Variants in AGAP1 observed in about 807,000 individuals in gnomAD.
The protein encoded by AGAP1 is arf-GAP with GTPase, ANK repeat and PH domain-containing protein 1.
In AGAP1, 29 loss-of-function variants were observed where a neutral mutation model predicts 105.3. The observed-to-expected ratio is 0.28, with a 90% CI of 0.21 to 0.38. The LOEUF (loss-of-function observed/expected upper bound fraction) is 0.38. AGAP1 is among the 10% of genes least tolerant of loss of function. The pLI, the probability that AGAP1 is intolerant of heterozygous loss-of-function variation, is 1.00. For missense variants in AGAP1, 998 were observed against 1,165.1 expected (o/e 0.86, Z 2.09); for synonymous variants, 509 against 485.9 (o/e 1.05, Z -0.63).
At chr2:235,946,474 C>T (rs1337605611) in intron 12 of AGAP1, among the ~76,000 whole-genome samples, 1 of 151,976 alleles carries the variant, frequency 6.6e-6, no homozygotes, top group African/African-American at 2.4e-5. Flanking sequence ...CCCGGCCAGG[C>T]CTTTTCCACT....
chr2:235,505,288 C>G (rs572980516), intron 1 of AGAP1, among the ~76,000 whole-genome samples: 1 of 152,184 alleles, frequency 6.6e-6, no homozygotes, highest in African/African-American at 2.4e-5. Context: ...TTTGTTCCAG[C>G]GCTGTGTCCT....
chr2:235,627,043 T>C (rs536380401), intron 1 of AGAP1, among the ~76,000 whole-genome samples: 3 of 152,306 alleles, frequency 2.0e-5, no homozygotes, highest in South Asian at 4.1e-4. Context: ...CCAACTGTCT[T>C]AAGTTGAAAA....
chr2:236,112,391 G>C (rs2059670075), intron 16 of AGAP1, among the ~76,000 whole-genome samples: 3 of 151,836 alleles, frequency 2.0e-5, no homozygotes, highest in Admixed American at 1.3e-4. Context: ...ACTCCACCCT[G>C]GGTGGCACAG....
At chr2:235,562,218 C>A (rs12692173) in intron 1 of AGAP1, among the ~76,000 whole-genome samples, 23,703 of 151,980 alleles carry the variant, frequency 0.16, 2,137 homozygotes, top group East Asian at 0.29. Context: ...GAAACTGTAC[C>A]TTTATTTTCT....
At position 235,958,475 on chromosome 2, in the gene AGAP1, C is replaced by G. The variant is rs2054043825; in HGVS notation, c.1484-9987C>G. ...GCGAGGGATATGAGAATCACAAGCA[C>G]AGAGACTCATCTCTTGAATATCACC... On this transcript the variant is annotated intron_variant, in intron 12 of 17. Coordinates refer to ENST00000304032, the MANE Select transcript of AGAP1 (RefSeq NM_001037131.3). This position sits in a 1 kb window ranked among gnomAD's most constrained non-coding sequence, Gnocchi z 4.1. Among the ~76,000 whole-genome samples the G allele has an allele frequency of 6.6e-6, 1 of 152,082 alleles. No individual in the cohort carries two copies. The highest frequency in any genetic ancestry group is 1.5e-5 in the Non-Finnish European group (1 of 68,012).
Position 235,890,952 on chromosome 2 carries a change from A to AAAAAAAAAAAAC in AGAP1, c.1155+7504_1155+7505insAAAAAAAAAACA, listed in dbSNP as rs769338135. Among the ~76,000 whole-genome samples the AAAAAAAAAAAAC allele has an allele frequency of 2.7e-5, 4 of 150,662 alleles. 1 individual carries two copies. The highest frequency in any genetic ancestry group is 4.3e-4 in the South Asian group (2 of 4,702). On this transcript the variant is annotated intron_variant, in intron 10 of 17. Coordinates refer to ENST00000304032, the MANE Select transcript of AGAP1 (RefSeq NM_001037131.3). Reference sequence around the variant, plus strand: ...ACTAAAACTGAGGCTCAAAAAAAAAAACACCTCAGTTAATTCATCTTTCTT... The same window carrying AAAAAAAAAAAAC: ...ACTAAAACTGAGGCTCAAAAAAAAAAAAAAAAAAAAACACACCTCAGTTAATTCATCTTTCTT...
rs374461102 is a variant in AGAP1, at chr2:235,962,412, C to T, written c.1484-6050C>T. Among the ~76,000 whole-genome samples, 27 of 152,032 alleles carry T rather than the reference C, an allele frequency of 1.8e-4. 1 individual carries two copies. Among genetic ancestry groups the T allele is most frequent in the Admixed American group, 1.0e-3 (16 of 15,262 alleles). ...ACAAGGGTGAGTTTCAAGTCGTGTG[C>T]GATGCTGCCCGGCTGTATAAGAAAA... On this transcript the variant is annotated intron_variant, in intron 12 of 17. Transcript: ENST00000304032. The surrounding 1 kb of genome is among the most constrained non-coding windows in gnomAD (Gnocchi z 5.3).
In AGAP1 at chr2:235,993,184, C is replaced by G. The variant is rs764586248; in HGVS notation, c.1645+24561C>G. Among the ~76,000 whole-genome samples, 1 of 152,168 alleles carries G rather than the reference C, an allele frequency of 6.6e-6. No individual in the cohort carries two copies. Among genetic ancestry groups the G allele is most frequent in the Non-Finnish European group, 1.5e-5 (1 of 68,038 alleles). On this transcript the variant is annotated intron_variant, in intron 13 of 17. Transcript: ENST00000304032. This position sits in a 1 kb window ranked among gnomAD's most constrained non-coding sequence, Gnocchi z 5.0. ...GCAGTTGTACAGTTCAAACACCAAA[C>G]TGTTTGTGGGGAGGAGGGTGATTTG...
In AGAP1 at chr2:235,577,102, C is replaced by T. The variant is rs1266594717; in HGVS notation, c.163+82253C>T. On this transcript the variant is annotated intron_variant, in intron 1 of 17. Coordinates refer to ENST00000304032, the MANE Select transcript of AGAP1 (RefSeq NM_001037131.3). This position sits in a 1 kb window ranked among gnomAD's most constrained non-coding sequence, Gnocchi z 4.5. ...TCCTGAACCCCCTTGTACCTCTGTC[C>T]AGTGGAAGTAGAATGCCAGCCACAT... 1.3e-5 allele frequency among the ~76,000 whole-genome samples: 2 copies of T among 152,158 alleles called. No individual in the cohort carries two copies. Among genetic ancestry groups the T allele is most frequent in the Non-Finnish European group, 2.9e-5 (2 of 68,032 alleles).
chr2:235,839,719 G>GAAGA (rs1297278228), intron 9 of AGAP1, among the ~76,000 whole-genome samples: 33 of 152,300 alleles, frequency 2.2e-4, no homozygotes, highest in African/African-American at 7.5e-4. Flanking sequence ...AACCACTTTA[G>GAAGA]AAGAACATTA....
At position 235,612,342 on chromosome 2, in the gene AGAP1, C is replaced by T. The variant is rs780005262; in HGVS notation, c.164-96837C>T. ...CCTGGTTAAAGTGGGGCTCAGATGC[C>T]CCTTGGTTGCATTTAATGTGTGTGC... On this transcript the variant is annotated intron_variant, in intron 1 of 17. Transcript: ENST00000304032. This position sits in a 1 kb window ranked among gnomAD's most constrained non-coding sequence, Gnocchi z 4.3. Among the ~76,000 whole-genome samples, 20 of 152,078 alleles carry T rather than the reference C, an allele frequency of 1.3e-4. No individual in the cohort carries two copies. Among genetic ancestry groups the T allele is most frequent in the Non-Finnish European group, 1.2e-4 (8 of 68,022 alleles).
Position 235,577,904 on chromosome 2 carries a change from G to C in AGAP1, c.163+83055G>C, listed in dbSNP as rs972845688. On this transcript the variant is annotated intron_variant, in intron 1 of 17. Coordinates refer to ENST00000304032, the MANE Select transcript of AGAP1 (RefSeq NM_001037131.3). The surrounding 1 kb of genome is among the most constrained non-coding windows in gnomAD (Gnocchi z 4.5). ...TGAAAAAAACCAAACACTGAGCCTGGTCTGAGCGGGGCTGTTTGTTGAGGC... is the reference window on the plus strand; with the variant it reads ...TGAAAAAAACCAAACACTGAGCCTGCTCTGAGCGGGGCTGTTTGTTGAGGC... Among the ~76,000 whole-genome samples, 1 of 152,132 alleles carries C rather than the reference G, an allele frequency of 6.6e-6. No individual in the cohort carries two copies. Among genetic ancestry groups the C allele is most frequent in the African/African-American group, 2.4e-5 (1 of 41,440 alleles).
At position 235,751,758 on chromosome 2, in the gene AGAP1, A is replaced by G. The variant is rs1953461120; in HGVS notation, c.673+1270A>G. 6.6e-6 allele frequency among the ~76,000 whole-genome samples: 1 copy of G among 152,078 alleles called. No homozygotes were observed. The highest frequency in any genetic ancestry group is 6.6e-5 in the Admixed American group (1 of 15,262). On this transcript the variant is annotated intron_variant, in intron 6 of 17. Transcript: ENST00000304032. This position sits in a 1 kb window ranked among gnomAD's most constrained non-coding sequence, Gnocchi z 5.3. ...CCTCTCAGATACTTACCTGTTTTTC[A>G]GCACGTTGGTCCTAGTTACTGCTTC...
At chr2:235,499,479 G>C (rs1043802807) in intron 1 of AGAP1, among the ~76,000 whole-genome samples, 2 of 152,220 alleles carry the variant, frequency 1.3e-5, no homozygotes, top group Non-Finnish European at 2.9e-5. Context: ...CAAGTTGAAT[G>C]AAAGGTGGCA....
intron 1 of AGAP1, among the ~76,000 whole-genome samples, chr2:235,548,626 CT>C (rs1253345437): frequency 7.0e-6 from 1 of 143,496 alleles, no homozygotes; most frequent in Non-Finnish European, 1.5e-5. Context: ...GCACTCCAGC[CT>C]GGGCAAAAAG....
chr2:235,762,300 T>G (rs1239316430), intron 6 of AGAP1, among the ~76,000 whole-genome samples: 1 of 152,112 alleles, frequency 6.6e-6, no homozygotes, highest in East Asian at 1.9e-4. Context: ...TCAGAAAGGG[T>G]GGCTTTGTCT....
At chr2:235,762,083 T>TG (rs1222750183) in intron 6 of AGAP1, among the ~76,000 whole-genome samples, 13 of 134,850 alleles carry the variant, frequency 9.6e-5, no homozygotes, top group African/African-American at 3.5e-4. Flanking sequence ...CATTCCAGCC[T>TG]GGGGGGATAA....
rs1195285616 is a variant in AGAP1 at position 236,050,496 on chromosome 2, T to C, written c.2114+1215T>C. 6.6e-6 allele frequency among the ~76,000 whole-genome samples: 1 copy of C among 152,252 alleles called. No homozygotes were observed. Among genetic ancestry groups the C allele is most frequent in the Non-Finnish European group, 1.5e-5 (1 of 68,044 alleles). ...AGTTTCTTACAAACCGAAGAAATTA[T>C]GCACTTTAAAAAGTATTTATCTTGA... On this transcript the variant is annotated intron_variant, in intron 16 of 17. Coordinates refer to ENST00000304032, the MANE Select transcript of AGAP1 (RefSeq NM_001037131.3). This position sits in a 1 kb window ranked among gnomAD's most constrained non-coding sequence, Gnocchi z 4.0.
chr2:236,068,644 CA>C (rs2058412629), intron 16 of AGAP1, among the ~76,000 whole-genome samples: 4 of 146,258 alleles, frequency 2.7e-5, no homozygotes, highest in South Asian at 4.4e-4. Flanking sequence ...ACTAAAAATA[CA>C]AAAAATTAGC....
Sources: allele counts gnomAD v4.1 joint callset (sites outside exome capture counted in the v4.1 genomes callset), GRCh38; gene constraint gnomAD v4.1.1; non-coding constraint Gnocchi (gnomAD v3.1); transcripts MANE v1.5; gene names NCBI Gene and HGNC (gene_info 2026-07-23, HGNC 2026-07-21).